The following ANK2 variants were observed in gnomAD, a reference collection of about 807,000 sequenced individuals.
ANK2 encodes the protein ankyrin 2.
Under a neutral mutation model 360.5 loss-of-function variants are expected in ANK2, and 83 were observed. The observed-to-expected ratio is 0.23, with a 90% CI of 0.19 to 0.28. The LOEUF is 0.28. Ranked by LOEUF, ANK2 falls within the 10% of genes least tolerant of loss-of-function variation. The probability of loss-of-function intolerance (pLI) is 1.00; values close to 1 mark genes in which losing one functional copy is unlikely to be tolerated. For synonymous variants in ANK2, 1,740 were observed against 1,759.5 expected, an observed-to-expected ratio of 0.99 and a Z score of 0.28; for missense variants, 4,201 against 4,795.7, an observed-to-expected ratio of 0.88 and a Z score of 3.66.
At chr4:112,878,376 G>GA (rs1186115012) in intron 1 of ANK2, among the ~76,000 whole-genome samples, 5 of 152,078 alleles carry the variant, frequency 3.3e-5, no homozygotes, top group Non-Finnish European at 5.9e-5. Flanking sequence ...GCCCAGGCCT[G>GA]AGTGCAGTGG....
intron 2 of ANK2, among the ~76,000 whole-genome samples, chr4:113,004,180 C>T (rs948052667): frequency 6.6e-6 from 1 of 152,082 alleles, no homozygotes; most frequent in African/African-American, 2.4e-5. Flanking sequence ...AAAAGCTTTT[C>T]TTTCTTCGAT....
chr4:113,253,925 C>G (rs2047869979), intron 10 of ANK2, among the ~76,000 whole-genome samples: 1 of 152,172 alleles, frequency 6.6e-6, no homozygotes, highest in Non-Finnish European at 1.5e-5. Flanking sequence ...AATTCCTCCC[C>G]TTATCCATCC....
chr4:113,073,524 C>T (rs2078629029), intron 1 of ANK2, among the ~76,000 whole-genome samples: 1 of 152,034 alleles, frequency 6.6e-6, no homozygotes, highest in African/African-American at 2.4e-5. Context: ...AAAGAATTCC[C>T]AAGTATTCTA....
rs1476737595 is a variant in ANK2, at chr4:113,353,305, A to C, written c.4687A>C (p.Asn1563His). 9.9e-6 allele frequency: 16 copies of C among 1,613,686 alleles called. No individual in the cohort carries two copies. The highest frequency in any genetic ancestry group is 1.4e-5 in the Non-Finnish European group (16 of 1,179,876). Reference sequence around the variant, plus strand: ...AGTTAAAGAGGACTTAGAGAAAGTGAATGAAATCCTGAGAAGTGGAACCTG... The same window carrying C: ...AGTTAAAGAGGACTTAGAGAAAGTGCATGAAATCCTGAGAAGTGGAACCTG... ...ERVKEDLEKV[N>H]EILRSGTCTR... The change falls in exon 38 of 46, where the codon AAT becomes CAT. Residue 1563 changes from asparagine to histidine, a missense_variant. Coordinates refer to ENST00000357077, the MANE Select transcript of ANK2 (RefSeq NM_001148.6).
intron 1 of ANK2, among the ~76,000 whole-genome samples, chr4:113,083,646 C>G (rs1278989538): frequency 6.6e-6 from 1 of 152,136 alleles, no homozygotes. Context: ...CTGAGCCAAT[C>G]AAAATCATGT....
intron 4 of ANK2, among the ~76,000 whole-genome samples, chr4:113,205,753 T>A (rs945711679): frequency 2.0e-5 from 3 of 152,178 alleles, no homozygotes; most frequent in Non-Finnish European, 4.4e-5. Context: ...TTTTTCTTCA[T>A]TGGCCCTAAC....
At chr4:112,987,600 G>T (rs955762485) in intron 2 of ANK2, among the ~76,000 whole-genome samples, 3 of 151,976 alleles carry the variant, frequency 2.0e-5, no homozygotes, top group African/African-American at 7.2e-5. Context: ...ACCCATGAAG[G>T]TCATACCCAC....
At chr4:113,231,337 C>A (rs2099301489) in intron 4 of ANK2, among the ~76,000 whole-genome samples, 1 of 152,142 alleles carries the variant, frequency 6.6e-6, no homozygotes, top group Non-Finnish European at 1.5e-5. Flanking sequence ...CAGGCGTGAG[C>A]CACCACACCC....
At chr4:113,211,597 TG>T (rs1175701912) in intron 4 of ANK2, among the ~76,000 whole-genome samples, 1 of 152,260 alleles carries the variant, frequency 6.6e-6, no homozygotes, top group Admixed American at 6.5e-5. Context: ...TTGCTTTACT[TG>T]GGGGGTGTGA....
At chr4:112,802,646 A>G in the ANK2 span, among the ~76,000 whole-genome samples, 908 of 152,300 alleles carry the variant, frequency 6.0e-3, 4 homozygotes, top group African/African-American at 0.02. Flanking sequence ...TTATGAAAAA[A>G]TTAAAATTAT....
chr4:113,359,672 T>C (rs4834329), intron 38 of ANK2, among the ~76,000 whole-genome samples: 11,541 of 152,276 alleles, frequency 0.076, 618 homozygotes, highest in Middle Eastern at 0.17. Context: ...TTTTGTTTCA[T>C]AGTATGAAGA....
intron 2 of ANK2, among the ~76,000 whole-genome samples, chr4:112,957,690 G>C (rs1184732764): frequency 1.3e-5 from 2 of 149,872 alleles, no homozygotes; most frequent in African/African-American, 5.0e-5. Flanking sequence ...GCTGGGCGGG[G>C]GGCTGACCCC....
chr4:112,755,302 C>T, the ANK2 span, among the ~76,000 whole-genome samples: 1 of 152,172 alleles, frequency 6.6e-6, no homozygotes, highest in Non-Finnish European at 1.5e-5. Context: ...AATTAGTTAA[C>T]TGGTAAGGGC....
Position 113,156,371 on chromosome 4 carries a change from C to CTTTTTTTTTTTT in ANK2, c.85-18035_85-18034insTTTTTTTTTTTT, listed in dbSNP as rs150536846. Among the ~76,000 whole-genome samples the CTTTTTTTTTTTT allele has an allele frequency of 2.8e-3, 362 of 128,406 alleles. 17 individuals carry two copies. The highest frequency in any genetic ancestry group is 8.5e-3 in the African/African-American group (292 of 34,204). 84.2% of individuals were successfully genotyped at this position (128,406 alleles called of 152,430 possible). A position where few individuals can be genotyped will look rare whatever the true frequency, so the allele number is the denominator to read the frequency against. On this transcript the variant is annotated intron_variant, in intron 1 of 45. Coordinates refer to ENST00000357077, the MANE Select transcript of ANK2 (RefSeq NM_001148.6). ...CGTATAGAGTATATGTAGAAAAATT[C>CTTTTTTTTTTTT]TTTTTTTTTTGTTTTTGAGACAGAG...
chr4:113,183,869 T>C (rs1375783230), intron 2 of ANK2, among the ~76,000 whole-genome samples: 13 of 151,536 alleles, frequency 8.6e-5, no homozygotes, highest in South Asian at 8.4e-4. Context: ...GAAGCTAAAA[T>C]CTTCAAGGGA....
chr4:112,712,980 T>G, the ANK2 span, among the ~76,000 whole-genome samples: 1 of 152,164 alleles, frequency 6.6e-6, no homozygotes, highest in Non-Finnish European at 1.5e-5. Flanking sequence ...CCCTGAAAAT[T>G]TCCCTCATGC....
chr4:113,077,071 A>T (rs992502307), intron 1 of ANK2, among the ~76,000 whole-genome samples: 1 of 152,164 alleles, frequency 6.6e-6, no homozygotes. Flanking sequence ...TTATGTAAAT[A>T]GATGATCATT....
intron 23 of ANK2, among the ~76,000 whole-genome samples, chr4:113,306,796 G>T (rs2077429420): frequency 6.6e-6 from 1 of 152,146 alleles, no homozygotes; most frequent in Non-Finnish European, 1.5e-5. Context: ...GGTGGGTGTG[G>T]AATCAAAACC....
At chr4:113,187,892 A>T (rs137904997) in intron 2 of ANK2, among the ~76,000 whole-genome samples, 58 of 152,314 alleles carry the variant, frequency 3.8e-4, no homozygotes, top group African/African-American at 1.4e-3. Context: ...ATGAAGTGGG[A>T]AATAATAATA....
Sources: allele counts gnomAD v4.1 joint callset (sites outside exome capture counted in the v4.1 genomes callset), GRCh38; gene constraint gnomAD v4.1.1; transcripts MANE v1.5; gene names NCBI Gene and HGNC (gene_info 2026-07-23, HGNC 2026-07-21).